NEBL: variants seen among roughly 807,000 people sequenced by gnomAD.
NEBL encodes the protein nebulette.
In NEBL, 122 loss-of-function variants were observed where a neutral mutation model predicts 140.2. The observed-to-expected ratio is 0.87, with a 90% confidence interval of 0.75 to 1.01. The LOEUF is 1.01. NEBL is among the 50% of genes least tolerant of loss of function. The pLI is 0.00. For missense variants in NEBL, 1,365 were observed against 1,231.3 expected (o/e 1.11, Z -1.62); for synonymous variants, 436 against 398.9 (o/e 1.09, Z -1.11).
intron 4 of NEBL, among the ~76,000 whole-genome samples, chr10:20,930,220 T>C (rs1487865420): frequency 6.6e-6 from 1 of 152,164 alleles, no homozygotes; most frequent in African/African-American, 2.4e-5. Context: ...GCCATTCCAC[T>C]CACTCATTTA....
chr10:21,002,684 T>C (rs1201956626), intron 3 of NEBL, among the ~76,000 whole-genome samples: 4 of 151,412 alleles, frequency 2.6e-5, no homozygotes, highest in African/African-American at 7.3e-5. Flanking sequence ...CACAATGGAG[T>C]ACGAAAGAGA....
rs111569391 is a variant in NEBL at position 20,796,902 on chromosome 10, C to T, written c.2762-9594G>A. On this transcript the variant is annotated intron_variant, in intron 26 of 27. Transcript: ENST00000377122. ...AATCCATATGGTATATGTCTGTGTG[C>T]ACATGAACACGTGTGAGCTATCCCC... Among the ~76,000 whole-genome samples the T allele has an allele frequency of 3.4e-4, 51 of 152,222 alleles. 1 individual carries two copies. The South Asian group carries it at 4.8e-3, about 14-fold the overall frequency.
intron 1 of NEBL, among the ~76,000 whole-genome samples, chr10:21,289,092 C>T (rs970143598): frequency 1.3e-5 from 2 of 151,604 alleles, no homozygotes; most frequent in African/African-American, 2.4e-5. Flanking sequence ...CGTGATCCAC[C>T]CGCCTCAGCT....
At chr10:20,909,137 T>C (rs143800767) in intron 4 of NEBL, among the ~76,000 whole-genome samples, 48 of 75,564 alleles carry the variant, frequency 6.4e-4, no homozygotes, top group African/African-American at 2.7e-3. Context: ...GCATTTATCG[T>C]TTGAGTTACA....
intron 3 of NEBL, among the ~76,000 whole-genome samples, chr10:21,220,476 C>T (rs9988747): frequency 0.28 from 42,800 of 151,956 alleles, 10,934 homozygotes; most frequent in African/African-American, 0.69. Context: ...CTTTTATCTC[C>T]CACCATATAC....
At chr10:21,203,229 T>C (rs7906397) in intron 3 of NEBL, among the ~76,000 whole-genome samples, 29,032 of 152,040 alleles carry the variant, frequency 0.19, 4,022 homozygotes, top group African/African-American at 0.39. Context: ...TCCCTCATTA[T>C]CACCAAATCA....
chr10:20,981,316 A>G lies in NEBL; in HGVS notation c.250-19537T>C, dbSNP rs1467464655. Reference sequence around the variant, plus strand: ...ATACAGGCCAGAAAAGAAAAAAAAAAAAGACATTCTAATGTTGACTTCACA... The same window carrying G: ...ATACAGGCCAGAAAAGAAAAAAAAAGAAGACATTCTAATGTTGACTTCACA... On this transcript the variant is annotated intron_variant, in intron 3 of 6. Coordinates refer to the NEBL transcript ENST00000417816. Among the ~76,000 whole-genome samples, 3 of 152,258 alleles carry G rather than the reference A, an allele frequency of 2.0e-5. No homozygotes were observed. The East Asian group carries it at 5.8e-4, about 29-fold the overall frequency.
chr10:21,105,213 G>C (rs773356953), intron 2 of NEBL, among the ~76,000 whole-genome samples: 1 of 151,652 alleles, frequency 6.6e-6, no homozygotes, highest in Non-Finnish European at 1.5e-5. Flanking sequence ...TTTTAAGTTC[G>C]GGGATACATG....
intron 9 of NEBL, among the ~76,000 whole-genome samples, chr10:20,857,953 C>A (rs1458919416): frequency 6.6e-6 from 1 of 152,026 alleles, no homozygotes; most frequent in Non-Finnish European, 1.5e-5. Flanking sequence ...TTTAATCTAA[C>A]ACAGATGAAG....
At chr10:20,798,039 G>A (rs1564332995) in intron 26 of NEBL, among the ~76,000 whole-genome samples, 1 of 151,584 alleles carries the variant, frequency 6.6e-6, no homozygotes, top group African/African-American at 2.4e-5. Flanking sequence ...GGAGTTAGAG[G>A]TGCAGTGAGC....
At chr10:21,246,578 T>C (rs1842519291) in intron 3 of NEBL, among the ~76,000 whole-genome samples, 1 of 151,616 alleles carries the variant, frequency 6.6e-6, no homozygotes, top group South Asian at 2.1e-4. Flanking sequence ...AGGCCAGGAG[T>C]CTGAGACCAG....
chr10:21,089,025 A>G (rs748579708), intron 2 of NEBL, among the ~76,000 whole-genome samples: 9 of 152,178 alleles, frequency 5.9e-5, no homozygotes, highest in Non-Finnish European at 1.2e-4. Flanking sequence ...GGCACTCTCA[A>G]TGAGGAGAGA....
chr10:20,918,674 C>T (rs1469996092), intron 4 of NEBL, among the ~76,000 whole-genome samples: 1 of 151,392 alleles, frequency 6.6e-6, no homozygotes, highest in African/African-American at 2.4e-5. Context: ...CGGTGAAACC[C>T]AGTCTCTACT....
chr10:21,171,331 G>T (rs1391230311), intron 2 of NEBL, among the ~76,000 whole-genome samples: 12 of 130,744 alleles, frequency 9.2e-5, no homozygotes, highest in African/African-American at 3.6e-4. Context: ...GCAAACTTCT[G>T]TCTCAAAAAA....
At chr10:21,104,806 T>C (rs1837635573) in intron 2 of NEBL, among the ~76,000 whole-genome samples, 1 of 152,198 alleles carries the variant, frequency 6.6e-6, no homozygotes. Context: ...CTGTTCCTCA[T>C]CTCAGGGGAA....
chr10:20,792,197 G>A (rs1271056985), intron 26 of NEBL, among the ~76,000 whole-genome samples: 1 of 150,714 alleles, frequency 6.6e-6, no homozygotes, highest in Non-Finnish European at 1.5e-5. Context: ...AATGTGAAAA[G>A]AGAAAATAAT....
intron 3 of NEBL, among the ~76,000 whole-genome samples, chr10:21,013,265 T>A (rs940308009): frequency 6.6e-6 from 1 of 152,184 alleles, no homozygotes; most frequent in African/African-American, 2.4e-5. Flanking sequence ...ATGTGAAACG[T>A]AATCTCTTAT....
At chr10:21,021,025 C>G (rs1244147473) in intron 2 of NEBL, among the ~76,000 whole-genome samples, 3 of 152,138 alleles carry the variant, frequency 2.0e-5, no homozygotes, top group Non-Finnish European at 2.9e-5. Context: ...TTCATCACCC[C>G]ACCCCTCCAT....
At chr10:20,996,312 T>C (rs1026145460) in intron 3 of NEBL, among the ~76,000 whole-genome samples, 6 of 152,204 alleles carry the variant, frequency 3.9e-5, no homozygotes, top group Non-Finnish European at 8.8e-5. Flanking sequence ...TTACTTGCAA[T>C]TGCCATCCCA....
Sources: allele counts gnomAD v4.1 joint callset (sites outside exome capture counted in the v4.1 genomes callset), GRCh38; gene constraint gnomAD v4.1.1; transcripts MANE v1.5; gene names NCBI Gene and HGNC (gene_info 2026-07-23, HGNC 2026-07-21).